Variants in SCFD1 observed in about 807,000 individuals in gnomAD.
SCFD1 encodes the protein sec1 family domain containing 1.
SCFD1 carries 37 observed loss-of-function variants against 103.2 expected under a neutral mutation model. The observed-to-expected ratio is 0.36, with a 90% confidence interval of 0.28 to 0.47. The LOEUF is 0.47. Among genes scored for constraint, SCFD1 ranks in the 20% least tolerant of loss-of-function variants. SCFD1 has a pLI of 1.00. For missense variants in SCFD1, 639 were observed against 761.2 expected, an observed-to-expected ratio of 0.84 and a Z score of 1.89; for synonymous variants, 264 against 245.0, an observed-to-expected ratio of 1.08 and a Z score of -0.73.
At chr14:30,697,979 TGTA>T (rs1166543960) in intron 15 of SCFD1, among the ~76,000 whole-genome samples, 1 of 152,206 alleles carries the variant, frequency 6.6e-6, no homozygotes, top group Admixed American at 6.5e-5. Flanking sequence ...GAATGTGTCA[TGTA>T]GTATATCACA....
chr14:30,673,605 C>T (rs780831195), intron 12 of SCFD1, among the ~76,000 whole-genome samples: 6 of 152,116 alleles, frequency 3.9e-5, no homozygotes, highest in South Asian at 2.1e-4. Context: ...TACCATACTT[C>T]GATGTAACTT....
At chr14:30,728,797 T>G (rs958828172) in intron 23 of SCFD1, among the ~76,000 whole-genome samples, 3 of 152,060 alleles carry the variant, frequency 2.0e-5, no homozygotes, top group Non-Finnish European at 1.5e-5. Flanking sequence ...TATTGGCCAT[T>G]TGTATATCTT....
chr14:30,691,637 TTAAAA>T (rs1453585741), intron 14 of SCFD1, among the ~76,000 whole-genome samples: 5 of 152,194 alleles, frequency 3.3e-5, no homozygotes, highest in Admixed American at 6.5e-5. Flanking sequence ...ATTCATCAAT[TTAAAA>T]CAAAACATTC....
intron 7 of SCFD1, among the ~76,000 whole-genome samples, chr14:30,644,663 G>A (rs1040429184): frequency 3.9e-5 from 6 of 152,184 alleles, no homozygotes; most frequent in Admixed American, 3.9e-4. Context: ...TTCTTGAGAA[G>A]TGTCTGTTCA....
At chr14:30,684,462 G>A (rs10141827) in intron 14 of SCFD1, among the ~76,000 whole-genome samples, 3 of 152,158 alleles carry the variant, frequency 2.0e-5, no homozygotes, top group African/African-American at 7.2e-5. Context: ...TGTGCGCACA[G>A]CATGTTAATG....
intron 1 of SCFD1, 145 bp downstream of exon 1, chr14:30,622,544 G>C (rs1882950718): frequency 7.3e-7 from 1 of 1,378,568 alleles, no homozygotes; most frequent in Non-Finnish European, 9.5e-7. Flanking sequence ...TGAGTTTTTG[G>C]GGAGAAGTTG....
rs1891205320 is a variant in SCFD1 at position 30,703,347 on chromosome 14, A to G, written c.1490+972A>G. ...ACATTTGAGCCAAAACTTAAATGAC[A>G]TTTTTTACAGTTATGATCCCTGTTT... On this transcript the variant is annotated intron_variant, in intron 17 of 24. Coordinates refer to ENST00000458591, the MANE Select transcript of SCFD1 (RefSeq NM_016106.4). Among the ~76,000 whole-genome samples the G allele has an allele frequency of 2.7e-5, 4 of 149,410 alleles. No homozygotes were observed. The Admixed American group carries it at 2.7e-4, about 10-fold the overall frequency.
chr14:30,670,156 G>A, intron 10 of SCFD1, 100 bp from the exon 11 acceptor site: 1 of 901,306 alleles, frequency 1.1e-6, no homozygotes, highest in East Asian at 2.8e-5. Context: ...TTAAATTTCA[G>A]ATCTATATTT....
intron 14 of SCFD1, among the ~76,000 whole-genome samples, chr14:30,691,091 G>A (rs1043218611): frequency 1.1e-4 from 17 of 152,092 alleles, no homozygotes; most frequent in African/African-American, 3.6e-4. Context: ...CGTTCTTGAG[G>A]GTAGTGTAAT....
chr14:30,676,262 T>C (rs1263708213), intron 14 of SCFD1: 1 of 152,252 alleles, frequency 6.6e-6, no homozygotes, highest in Non-Finnish European at 1.5e-5. Flanking sequence ...ATCATGTTTA[T>C]TGAGTGGCTC....
rs755427182 is a variant in SCFD1 at position 30,716,011 on chromosome 14, C to A, written c.1683+34C>A. ...CATATAACATATTTTGTGTAAATTC[C>A]CGAATGTGTCAAACTGACTAGTATG... On this transcript the variant is annotated intron_variant, in intron 20 of 24. Coordinates refer to ENST00000458591, the MANE Select transcript of SCFD1 (RefSeq NM_016106.4). 16 of 1,228,484 alleles carry A rather than the reference C, an allele frequency of 1.3e-5. No individual in the cohort carries two copies. The South Asian group carries it at 1.7e-4, about 13-fold the overall frequency. The allele number at this position is 1,228,484 out of a possible 1,614,324, so 76.1% of individuals were successfully genotyped here. A position where few individuals can be genotyped will look rare whatever the true frequency, so the allele number is the denominator to read the frequency against.
At chr14:30,665,272 A>T (rs1174059862) in intron 10 of SCFD1, among the ~76,000 whole-genome samples, 2 of 152,220 alleles carry the variant, frequency 1.3e-5, no homozygotes, top group African/African-American at 4.8e-5. Flanking sequence ...TCAACTCAGA[A>T]TTTCATATAC....
At chr14:30,681,469 A>G (rs936709514) in intron 14 of SCFD1, among the ~76,000 whole-genome samples, 6 of 152,000 alleles carry the variant, frequency 3.9e-5, no homozygotes, top group African/African-American at 9.7e-5. Flanking sequence ...TATTTTTAGC[A>G]TAAGTCAATA....
chr14:30,660,620 CT>C (rs35522948), intron 10 of SCFD1, among the ~76,000 whole-genome samples: 51 of 147,806 alleles, frequency 3.5e-4, no homozygotes, highest in Middle Eastern at 3.5e-3. Flanking sequence ...ATATAAATAA[CT>C]TTTTTTTTTT....
At chr14:30,731,696 T>C (rs1893480970) in intron 23 of SCFD1, among the ~76,000 whole-genome samples, 1 of 152,248 alleles carries the variant, frequency 6.6e-6, no homozygotes, top group African/African-American at 2.4e-5. Flanking sequence ...TTTTGCACAT[T>C]GATTTTTGTA....
chr14:30,655,474 G>C (rs968704810), intron 10 of SCFD1, among the ~76,000 whole-genome samples: 2 of 152,136 alleles, frequency 1.3e-5, no homozygotes, highest in Non-Finnish European at 2.9e-5. Flanking sequence ...GATGGAAATG[G>C]GGAACCACAT....
chr14:30,683,631 A>G (rs1889677005), intron 14 of SCFD1: 4 of 261,054 alleles, frequency 1.5e-5, no homozygotes, highest in South Asian at 1.2e-4. Context: ...GGAACTCGGG[A>G]GAGCTCATGA....
In SCFD1 at chr14:30,694,786, A is replaced by C. The variant is rs1381896986; in HGVS notation, c.1256A>C (p.Asp419Ala). 7.0e-6 allele frequency: 11 copies of C among 1,580,278 alleles called. No homozygotes were observed. Among genetic ancestry groups the C allele is most frequent in the Non-Finnish European group, 8.5e-6 (10 of 1,170,140 alleles). The change falls in exon 15 of 25, where the codon GAT (aspartate) becomes GCT (alanine). Residue 419 changes from aspartate to alanine, a missense_variant. Coordinates refer to ENST00000458591, the MANE Select transcript of SCFD1 (RefSeq NM_016106.4). ...ATTTTGAAACAGGCAAGAAAATTGG[A>C]TGTATATTTTGAATATGAAGAAAAA... ...VLEHIKARKLDVYFEYEEKIM... is the reference protein window; with the variant it reads ...VLEHIKARKLAVYFEYEEKIM...
At chr14:30,728,890 G>A (rs1309344995) in intron 23 of SCFD1, among the ~76,000 whole-genome samples, 1 of 144,818 alleles carries the variant, frequency 6.9e-6, no homozygotes, top group Non-Finnish European at 1.5e-5. Flanking sequence ...TGTCACCCAG[G>A]CTGGAGTGCA....
Sources: gnomAD v4.1 joint callset for allele counts (sites outside exome capture counted in the v4.1 genomes callset) on GRCh38, gnomAD v4.1.1 for gene constraint, MANE v1.5 for transcripts, NCBI Gene and HGNC (gene_info 2026-07-23, HGNC 2026-07-21) for gene names.